CAPS2: variants seen among roughly 807,000 people sequenced by gnomAD.
CAPS2 encodes the protein calcyphosine 2, also known as calcyphosin-2.
Under a neutral mutation model 86.5 loss-of-function variants are expected in CAPS2, and 98 were observed. The observed-to-expected ratio is 1.13, with a 90% CI of 0.96 to 1.34. CAPS2 has a LOEUF of 1.34. Among genes scored for constraint, CAPS2 ranks in the 40% most tolerant of loss-of-function variants. The probability of loss-of-function intolerance (pLI) is 0.00; values close to 1 mark genes in which losing one functional copy is unlikely to be tolerated. For missense variants in CAPS2, 729 were observed against 686.8 expected (o/e 1.06, Z -0.69); for synonymous variants, 210 against 225.1 (o/e 0.93, Z 0.60).
At chr12:75,349,798 A>G (rs1350757955) in intron 1 of CAPS2, among the ~76,000 whole-genome samples, 2 of 152,224 alleles carry the variant, frequency 1.3e-5, no homozygotes, top group Non-Finnish European at 2.9e-5. Context: ...GCCTTGAGAA[A>G]CAGAGCAAGA....
intron 5 of CAPS2, among the ~76,000 whole-genome samples, chr12:75,317,336 TTATTTACCCAC>T (rs2039875065): frequency 6.6e-6 from 1 of 152,150 alleles, no homozygotes; most frequent in African/African-American, 2.4e-5. Flanking sequence ...ATCATTTTAT[TTATTTACCCAC>T]TAATATACTT....
chr12:75,312,653 G>GT (rs1210662447), intron 7 of CAPS2, among the ~76,000 whole-genome samples, 195 bp downstream of exon 7: 1 of 152,100 alleles, frequency 6.6e-6, no homozygotes, highest in African/African-American at 2.4e-5. Flanking sequence ...AAATAGAACT[G>GT]TTAGGTATTT....
chr12:75,348,336 T>C (rs939950658), intron 1 of CAPS2, among the ~76,000 whole-genome samples: 7 of 152,146 alleles, frequency 4.6e-5, no homozygotes, highest in African/African-American at 9.6e-5. Flanking sequence ...AGAATAAATA[T>C]GCAAAACTGA....
intron 1 of CAPS2, among the ~76,000 whole-genome samples, chr12:75,344,660 T>A (rs1292980379): frequency 6.6e-6 from 1 of 152,272 alleles, no homozygotes; most frequent in Non-Finnish European, 1.5e-5. Flanking sequence ...CATCATATCA[T>A]GTTGGGTAAA....
chr12:75,301,159 TATATTTCTC>T (rs2037770426), intron 8 of CAPS2, among the ~76,000 whole-genome samples: 1 of 152,224 alleles, frequency 6.6e-6, no homozygotes, highest in Admixed American at 6.5e-5. Flanking sequence ...GACTAAATGA[TATATTTCTC>T]CTTTGCTTCA....
chr12:75,371,546 A>G (rs1485591817), intron 1 of CAPS2: 3 of 255,338 alleles, frequency 1.2e-5, no homozygotes, highest in East Asian at 1.4e-4. Context: ...AAAAATACAC[A>G]TCTCCTGAAA....
intron 1 of CAPS2, among the ~76,000 whole-genome samples, chr12:75,389,849 T>C (rs926681448): frequency 6.6e-6 from 1 of 152,224 alleles, no homozygotes; most frequent in South Asian, 2.1e-4. Context: ...CACTAAATTG[T>C]AAGCTGCTTG....
intron 1 of CAPS2, among the ~76,000 whole-genome samples, chr12:75,373,002 C>A (rs2044457149): frequency 6.6e-6 from 1 of 152,236 alleles, no homozygotes; most frequent in Admixed American, 6.5e-5. Context: ...GGATAAATCA[C>A]TGCCCTTTCC....
At chr12:75,336,349 A>G (rs2041738299) in intron 1 of CAPS2, among the ~76,000 whole-genome samples, 1 of 151,876 alleles carries the variant, frequency 6.6e-6, no homozygotes, top group Admixed American at 6.5e-5. Flanking sequence ...AACCATGTTA[A>G]AATTACATTA....
At chr12:75,295,665 T>C (rs753718157) in intron 11 of CAPS2, among the ~76,000 whole-genome samples, 22 of 152,188 alleles carry the variant, frequency 1.4e-4, no homozygotes, top group Non-Finnish European at 2.5e-4. Flanking sequence ...GTAGTGGTCA[T>C]GACAGGTAAG....
intron 1 of CAPS2, among the ~76,000 whole-genome samples, chr12:75,356,051 G>A (rs912213784): frequency 6.6e-6 from 1 of 152,094 alleles, no homozygotes; most frequent in East Asian, 1.9e-4. Context: ...TGGGTGATGA[G>A]TTGATCTGTG....
At chr12:75,347,839 C>A in intron 1 of CAPS2, 1 of 447,238 alleles carries the variant, frequency 2.2e-6, no homozygotes, top group South Asian at 4.4e-5. Flanking sequence ...ACTCCCTCTA[C>A]AATGCTAATC....
chr12:75,379,185 A>T (rs1321564332), intron 1 of CAPS2, among the ~76,000 whole-genome samples: 1 of 152,122 alleles, frequency 6.6e-6, no homozygotes, highest in Non-Finnish European at 1.5e-5. Context: ...AAAATTTAAA[A>T]TTTTTTTACA....
At chr12:75,356,885 C>T (rs1347389614) in intron 1 of CAPS2, among the ~76,000 whole-genome samples, 1 of 152,040 alleles carries the variant, frequency 6.6e-6, no homozygotes, top group African/African-American at 2.4e-5. Flanking sequence ...ACCATGCTAA[C>T]ATCAGTCAAA....
intron 1 of CAPS2, among the ~76,000 whole-genome samples, chr12:75,381,166 C>T (rs2044947327): frequency 6.6e-6 from 1 of 152,132 alleles, no homozygotes; most frequent in Non-Finnish European, 1.5e-5. Flanking sequence ...GTGCTATTCT[C>T]ATGACAGTGA....
intron 12 of CAPS2, among the ~76,000 whole-genome samples, chr12:75,292,793 T>A (rs190938992): frequency 1.1e-3 from 166 of 149,942 alleles, no homozygotes; most frequent in African/African-American, 4.0e-3. Flanking sequence ...TTAAAAGCAA[T>A]GTTTGATGTC....
chr12:75,372,569 G>A (rs1230725984), intron 1 of CAPS2, among the ~76,000 whole-genome samples: 2 of 152,148 alleles, frequency 1.3e-5, no homozygotes, highest in Admixed American at 6.5e-5. Context: ...ATGGTGAGTG[G>A]TGCCACTTCC....
chr12:75,353,208 G>C (rs2042928710), intron 1 of CAPS2, among the ~76,000 whole-genome samples: 1 of 152,094 alleles, frequency 6.6e-6, no homozygotes, highest in African/African-American at 2.4e-5. Flanking sequence ...GAATCCAGGA[G>C]CTGGCTTTTT....
upstream of CAPS2, among the ~76,000 whole-genome samples, chr12:75,330,632 C>T (rs1172446464): frequency 4.0e-5 from 6 of 151,866 alleles, no homozygotes; most frequent in Admixed American, 3.9e-4. Context: ...ATGGATATTA[C>T]TTTAAATTTG....
Sources: allele counts gnomAD v4.1 joint callset (sites outside exome capture counted in the v4.1 genomes callset), GRCh38; gene constraint gnomAD v4.1.1; transcripts MANE v1.5; gene names NCBI Gene and HGNC (gene_info 2026-07-23, HGNC 2026-07-21).